IGFBPL1: variants seen among roughly 807,000 people sequenced by gnomAD.
IGFBPL1 encodes insulin like growth factor binding protein like 1.
Under a neutral mutation model 23.9 loss-of-function variants are expected in IGFBPL1, and 20 were observed. That is an observed-to-expected ratio of 0.84 (90% CI 0.59 to 1.22). The LOEUF is 1.22. Among genes scored for constraint, IGFBPL1 ranks in the 50% most tolerant of loss-of-function variants. The pLI is 0.00. For synonymous variants in IGFBPL1, 184 were observed against 171.8 expected, an observed-to-expected ratio of 1.07 and a Z score of -0.56; for missense variants, 436 against 379.3, an observed-to-expected ratio of 1.15 and a Z score of -1.24.
chr9:38,413,380 G>T, intron 2 of IGFBPL1, 27 bp from the exon 3 acceptor site: 1 of 1,490,742 alleles, frequency 6.7e-7, no homozygotes, highest in South Asian at 1.2e-5. Flanking sequence ...TGCCAGGAGG[G>T]GGCTTAGAAA....
At chr9:38,422,995 C>A (rs1439249222) in intron 1 of IGFBPL1, among the ~76,000 whole-genome samples, 1 of 152,188 alleles carries the variant, frequency 6.6e-6, no homozygotes, top group Admixed American at 6.5e-5. Flanking sequence ...GAACTCCAGG[C>A]CGAAACCCAG....
At chr9:38,418,052 G>GTT (rs1821625147) in intron 1 of IGFBPL1, among the ~76,000 whole-genome samples, 1 of 152,208 alleles carries the variant, frequency 6.6e-6, no homozygotes, top group Admixed American at 6.5e-5. Context: ...CGTGTTAGCT[G>GTT]TTTTCTATAC....
intron 1 of IGFBPL1, among the ~76,000 whole-genome samples, chr9:38,418,905 C>T (rs186102919): frequency 0.011 from 1,715 of 152,192 alleles, 38 homozygotes; most frequent in African/African-American, 0.039. Flanking sequence ...CCAGGGGTCT[C>T]GCTGCCAACC....
intron 4 of IGFBPL1, among the ~76,000 whole-genome samples, chr9:38,410,523 G>T (rs80125925): frequency 1.3e-5 from 2 of 151,674 alleles, no homozygotes; most frequent in African/African-American, 4.8e-5. Flanking sequence ...AAATGGGCGG[G>T]GCACACATCA....
intron 1 of IGFBPL1, among the ~76,000 whole-genome samples, chr9:38,418,649 G>A (rs961822731): frequency 2.0e-5 from 3 of 152,194 alleles, no homozygotes; most frequent in Admixed American, 6.5e-5. Context: ...CAAGAATGAT[G>A]TGGCTTGCAG....
At chr9:38,419,839 CCTT>C (rs1199086562) in intron 1 of IGFBPL1, among the ~76,000 whole-genome samples, 7 of 149,434 alleles carry the variant, frequency 4.7e-5, no homozygotes, top group Non-Finnish European at 1.0e-4. Context: ...GCTTTTGCAT[CCTT>C]CTTCTTCCTT....
At chr9:38,414,034 C>CAA in intron 2 of IGFBPL1, 60 bp downstream of exon 2, 1 of 398,782 alleles carries the variant, frequency 2.5e-6, no homozygotes, top group Non-Finnish European at 3.7e-6. Flanking sequence ...CCCTCTTTCT[C>CAA]ACACACACAC....
At chr9:38,415,515 G>A (rs1208225761) in intron 1 of IGFBPL1, among the ~76,000 whole-genome samples, 1 of 152,166 alleles carries the variant, frequency 6.6e-6, no homozygotes, top group Non-Finnish European at 1.5e-5. Context: ...AGACTGGGAA[G>A]CAGACCCTGT....
rs201192309 is a variant in IGFBPL1, at chr9:38,414,155, G to A, written c.509C>T (p.Ala170Val). ...CACTTCACAGGACAGGCCCACCTGC[G>A]CCCCGGTGACGTTGTGAACACTTCG... ...PPRSVHNVTG[A>V]QVGLSCEVRA... The change falls in exon 2 of 5, where the codon GCG (alanine) becomes GTG (valine). Residue 170 changes from alanine to valine, a missense_variant. By Grantham distance (64) the Ala-to-Val change is moderately conservative (BLOSUM62 0). Transcript: ENST00000377694. 3.3e-5 allele frequency: 54 copies of A among 1,612,016 alleles called. No homozygotes were observed. The highest frequency in any genetic ancestry group is 2.5e-4 in the East Asian group (11 of 44,828).
intron 3 of IGFBPL1, 28 bp downstream of exon 3, chr9:38,413,209 A>G (rs754718165): frequency 7.5e-7 from 1 of 1,327,082 alleles, no homozygotes; most frequent in Non-Finnish European, 1.1e-6. Flanking sequence ...TGGTCAGTCA[A>G]TAATATCCAA....
chr9:38,409,405 G>A (rs1416226106), intron 4 of IGFBPL1, among the ~76,000 whole-genome samples, 188 bp from the exon 5 acceptor site: 1 of 152,128 alleles, frequency 6.6e-6, no homozygotes, highest in Non-Finnish European at 1.5e-5. Context: ...AAAGGTGGAC[G>A]TTTCAAAGCA....
intron 2 of IGFBPL1, among the ~76,000 whole-genome samples, chr9:38,413,566 C>T (rs997826648): frequency 3.3e-5 from 5 of 152,188 alleles, no homozygotes; most frequent in Non-Finnish European, 5.9e-5. Flanking sequence ...AGCAAAGACC[C>T]GAACATCACC....
At position 38,424,251 on chromosome 9, in the gene IGFBPL1, C is replaced by G. The variant is rs2118334899; in HGVS notation, c.174G>C (p.Ser58=). 1 of 1,220,150 alleles carries G rather than the reference C, an allele frequency of 8.2e-7. No homozygotes were observed. Among genetic ancestry groups the G allele is most frequent in the East Asian group, 3.5e-5 (1 of 28,850 alleles). The allele number at this position is 1,220,150 out of a possible 1,614,324, so 75.6% of individuals were successfully genotyped here. A position where few individuals can be genotyped will look rare whatever the true frequency, so the allele number is the denominator to read the frequency against. ...APAPCPAPGI[S]ALDECGCCAR... is the part of the protein sequence containing the mutation. ...CGCAGCAGCCGCACTCGTCGAGCGC[C>G]GAGATCCCGGGCGCCGGGCAGGGCG... Residue 58 remains serine (S), a synonymous_variant, in exon 1 of 5, where the codon TCG becomes TCC. Coordinates refer to ENST00000377694, the MANE Select transcript of IGFBPL1 (RefSeq NM_001007563.3).
In IGFBPL1 at chr9:38,408,021, C is replaced by G. The variant is rs1204128873; in HGVS notation, c.*1206G>C. Among the ~76,000 whole-genome samples the G allele has an allele frequency of 1.3e-5, 2 of 151,958 alleles. No homozygotes were observed. The highest frequency in any genetic ancestry group is 6.6e-5 in the Admixed American group (1 of 15,264). On this transcript the variant is annotated 3_prime_UTR_variant, in exon 5 of 5. Coordinates refer to ENST00000377694, the MANE Select transcript of IGFBPL1 (RefSeq NM_001007563.3). ...TTTGTAGGTAAAATATATTCTACTA[C>G]AATCTAATTCCACAGTCTGGAGATA...
intron 1 of IGFBPL1, among the ~76,000 whole-genome samples, chr9:38,416,682 T>C (rs1230249000): frequency 1.3e-5 from 2 of 151,588 alleles, no homozygotes; most frequent in East Asian, 3.9e-4. Context: ...TCTAATTTTT[T>C]TTTTTTTTTT....
intron 4 of IGFBPL1, among the ~76,000 whole-genome samples, chr9:38,410,460 G>A (rs890694832): frequency 6.7e-6 from 1 of 149,154 alleles, no homozygotes; most frequent in Non-Finnish European, 1.5e-5. Context: ...TCCAGCCTGG[G>A]TGACAGAGTG....
At chr9:38,409,664 G>GAT (rs1368045017) in intron 4 of IGFBPL1, among the ~76,000 whole-genome samples, 1 of 152,032 alleles carries the variant, frequency 6.6e-6, no homozygotes, top group African/African-American at 2.4e-5. Context: ...GAAAATTATA[G>GAT]ATATATATAT....
At chr9:38,413,523 A>G (rs1821547270) in intron 2 of IGFBPL1, among the ~76,000 whole-genome samples, 170 bp from the exon 3 acceptor site, 1 of 152,162 alleles carries the variant, frequency 6.6e-6, no homozygotes, top group African/African-American at 2.4e-5. Flanking sequence ...TTTTAAACCT[A>G]CTTGTACATA....
chr9:38,420,603 G>A (rs996050100), intron 1 of IGFBPL1, among the ~76,000 whole-genome samples: 3 of 152,230 alleles, frequency 2.0e-5, no homozygotes, highest in African/African-American at 7.2e-5. Flanking sequence ...GGAGGCCGAG[G>A]CGGGCAGATC....
Sources: gnomAD v4.1 joint callset for allele counts (sites outside exome capture counted in the v4.1 genomes callset) on GRCh38, gnomAD v4.1.1 for gene constraint, MANE v1.5 for transcripts, NCBI Gene and HGNC (gene_info 2026-07-23, HGNC 2026-07-21) for gene names.